TTC5: variants seen among roughly 807,000 people sequenced by gnomAD.
TTC5 encodes tetratricopeptide repeat protein 5.
Under a neutral mutation model 57.4 loss-of-function variants are expected in TTC5, and 46 were observed. The observed-to-expected ratio is 0.80, with a 90% CI of 0.63 to 1.03. TTC5 has a LOEUF of 1.03. Ranked by LOEUF, TTC5 falls within the 50% of genes least tolerant of loss-of-function variation. The pLI is 0.00. For missense variants in TTC5, 504 were observed against 528.1 expected, an observed-to-expected ratio of 0.95 and a Z score of 0.45; for synonymous variants, 190 against 203.5, an observed-to-expected ratio of 0.93 and a Z score of 0.57.
chr14:20,291,885 T>C (rs1435106594), intron 9 of TTC5, 98 bp downstream of exon 9: 29 of 1,119,296 alleles, frequency 2.6e-5, no homozygotes, highest in Non-Finnish European at 3.3e-5. Context: ...CCTACACACA[T>C]ACTTACATAT....
In TTC5 at chr14:20,288,431, G is replaced by C. The variant is rs1479106533; in HGVS notation, c.*1196C>G. The C allele has an allele frequency of 6.6e-6, 1 of 152,282 alleles. No homozygotes were observed. Among genetic ancestry groups the C allele is most frequent in the Non-Finnish European group, 1.5e-5 (1 of 68,100 alleles). 9.4% of individuals were successfully genotyped at this position (152,282 alleles called of 1,614,324 possible). A position where few individuals can be genotyped will look rare whatever the true frequency, so the allele number is the denominator to read the frequency against. On this transcript the variant is annotated 3_prime_UTR_variant, in exon 10 of 10. Transcript: ENST00000258821. ...TTACAGCCATTCAGTTGTTGTTGCTGTTTGAGACGGAGTCTCGCTCTGTCG... is the reference window on the plus strand; with the variant it reads ...TTACAGCCATTCAGTTGTTGTTGCTCTTTGAGACGGAGTCTCGCTCTGTCG...
At chr14:20,298,478 T>G (rs973635625) in intron 5 of TTC5, among the ~76,000 whole-genome samples, 1 of 152,198 alleles carries the variant, frequency 6.6e-6, no homozygotes, top group African/African-American at 2.4e-5. Context: ...TAAGTATTAT[T>G]TTAATAGACT....
rs1442407568 is a variant in TTC5 at position 20,286,541 on chromosome 14, A to G, written c.*3086T>C. 1 of 152,134 alleles carries G rather than the reference A, an allele frequency of 6.6e-6. No homozygotes were observed. The highest frequency in any genetic ancestry group is 1.5e-5 in the Non-Finnish European group (1 of 68,014). The allele number at this position is 152,134 out of a possible 1,614,324, so 9.4% of individuals were successfully genotyped here. A position where few individuals can be genotyped will look rare whatever the true frequency, so the allele number is the denominator to read the frequency against. On this transcript the variant is annotated 3_prime_UTR_variant, in exon 10 of 10. Transcript: ENST00000258821. ...GCTGGGCTATTTACTCATTATGAAA[A>G]AAATTATATCCGTACATAACATAAA...
rs1594260999 is a variant in TTC5 at position 20,289,443 on chromosome 14, G to C, written c.*184C>G. The C allele has an allele frequency of 1.7e-6, 1 of 578,956 alleles. No individual in the cohort carries two copies. Among genetic ancestry groups the C allele is most frequent in the Non-Finnish European group, 2.8e-6 (1 of 357,646 alleles). The allele number at this position is 578,956 out of a possible 1,614,324, so 35.9% of individuals were successfully genotyped here. On this transcript the variant is annotated 3_prime_UTR_variant, in exon 10 of 10. Transcript: ENST00000258821. Reference sequence around the variant, plus strand: ...CCAGAAGAGTATGTGGCCCTGTAGAGAGCTGGAACATGATGAGGACAGAGG... The same window carrying C: ...CCAGAAGAGTATGTGGCCCTGTAGACAGCTGGAACATGATGAGGACAGAGG...
In TTC5 at chr14:20,287,658, CTG is replaced by C. The variant is rs1881866170; in HGVS notation, c.*1967_*1968del. ...TTACTTGTTTGTACGCACTGCTTCT[CTG>C]TGGCTACCACCTACTGGCCATTTTT... On this transcript the variant is annotated 3_prime_UTR_variant, in exon 10 of 10. Transcript: ENST00000258821. The C allele has an allele frequency of 6.6e-6, 1 of 152,160 alleles. No individual in the cohort carries two copies. Among genetic ancestry groups the C allele is most frequent in the Non-Finnish European group, 1.5e-5 (1 of 68,034 alleles). 9.4% of individuals were successfully genotyped at this position (152,160 alleles called of 1,614,324 possible). A position where few individuals can be genotyped will look rare whatever the true frequency, so the allele number is the denominator to read the frequency against.
chr14:20,305,842 T>C, intron 1 of TTC5, 45 bp downstream of exon 1: 1 of 1,588,422 alleles, frequency 6.3e-7, no homozygotes, highest in Non-Finnish European at 8.6e-7. Context: ...CCCTGCTTCA[T>C]TCGGAGTAAC....
At chr14:20,301,807 G>T in intron 2 of TTC5, 26 bp downstream of exon 2, 5 of 1,613,108 alleles carry the variant, frequency 3.1e-6, no homozygotes, top group Non-Finnish European at 4.2e-6. Context: ...GAAGGATGGG[G>T]GTTGTACAAT....
Position 20,292,040 on chromosome 14 carries a change from G to C in TTC5, c.1146C>G (p.Asp382Glu). The C allele has an allele frequency of 1.3e-6, 2 of 1,597,380 alleles. No homozygotes were observed. The highest frequency in any genetic ancestry group is 1.7e-6 in the Non-Finnish European group (2 of 1,171,854). ...IVQSWGVLIG[D>E]SVAIPEPNLR... ...GGTTGGGCTCAGGAATGGCTACAGA[G>C]TCTCCAATGAGCACTCCCCAGCTCT... The change falls in exon 9 of 10, where the codon GAC (aspartate) becomes GAG (glutamate). Residue 382 changes from aspartate to glutamate, a missense_variant. Asp to Glu is a conservative substitution (Grantham distance 45, BLOSUM62 2). Transcript: ENST00000258821.
intron 8 of TTC5, chr14:20,294,535 G>A (rs1480940579): frequency 6.6e-6 from 1 of 152,218 alleles, no homozygotes; most frequent in Non-Finnish European, 1.5e-5. Flanking sequence ...AAAAGCAATA[G>A]TGAGAGATAA....
At chr14:20,305,613 A>G in intron 1 of TTC5, 1 of 537,044 alleles carries the variant, frequency 1.9e-6, no homozygotes, top group East Asian at 3.1e-5. Flanking sequence ...AATCGAGAAA[A>G]CAACGTCCTC....
At position 20,286,915 on chromosome 14, in the gene TTC5, A is replaced by G. The variant is rs1881849619; in HGVS notation, c.*2712T>C. On this transcript the variant is annotated 3_prime_UTR_variant, in exon 10 of 10. Coordinates refer to ENST00000258821, the MANE Select transcript of TTC5 (RefSeq NM_138376.3). ...TGAAAAGATGCTCAAGCTCATTAAT[A>G]ATCAGAAATGCAAATTAAGGCCACA... is the stretch of plus-strand genomic sequence containing the variant. The G allele has an allele frequency of 6.6e-6, 1 of 152,196 alleles. No homozygotes were observed. Among genetic ancestry groups the G allele is most frequent in the Non-Finnish European group, 1.5e-5 (1 of 68,032 alleles). The allele number at this position is 152,196 out of a possible 1,614,324, so 9.4% of individuals were successfully genotyped here.
chr14:20,300,384 C>G, intron 3 of TTC5: 1 of 514,426 alleles, frequency 1.9e-6, no homozygotes, highest in South Asian at 3.0e-5. Context: ...CTTTTCTTCA[C>G]TTCCTTTCTC....
At chr14:20,302,398 T>G (rs954665003) in intron 1 of TTC5, among the ~76,000 whole-genome samples, 1 of 152,206 alleles carries the variant, frequency 6.6e-6, no homozygotes, top group African/African-American at 2.4e-5. Context: ...TAAAACCATT[T>G]TATCCCTGAT....
rs768194185 is a variant in TTC5, at chr14:20,301,881, C to T, written c.136G>A (p.Val46Met). The change falls in exon 2 of 10, where the codon GTG becomes ATG. Residue 46 changes from valine to methionine, a missense_variant. By Grantham distance (21) the Val-to-Met change is conservative. Coordinates refer to ENST00000258821, the MANE Select transcript of TTC5 (RefSeq NM_138376.3). ...VEDAGRKQQD[V>M]QKEMEKTLQQ... ...AGGGTTTTCTCCATCTCCTTCTGCA[C>T]ATCCTGTTGCTTCCTCCCAGCATCC... is the stretch of plus-strand genomic sequence containing the variant. 1.2e-6 allele frequency: 2 copies of T among 1,614,162 alleles called. No homozygotes were observed.
chr14:20,305,902 G>T lies in TTC5; in HGVS notation c.36C>A (p.Ile12=). ...MADEEEEVKP[I]LQKLQELVDQ... ...ACGGCCCCACCTGCAATTTCTGCAAGATCGGCTTGACTTCTTCCTCTTCAT... is the reference window on the plus strand; with the variant it reads ...ACGGCCCCACCTGCAATTTCTGCAATATCGGCTTGACTTCTTCCTCTTCAT... The change falls in exon 1 of 10, where the codon ATC becomes ATA. Residue 12 remains isoleucine (I), a synonymous_variant. Transcript: ENST00000258821. 6.2e-7 allele frequency: 1 copy of T among 1,614,088 alleles called. No individual in the cohort carries two copies. The highest frequency in any genetic ancestry group is 8.5e-7 in the Non-Finnish European group (1 of 1,180,022).
intron 1 of TTC5, among the ~76,000 whole-genome samples, chr14:20,304,432 ACTGT>A (rs1734967646): frequency 6.6e-6 from 1 of 152,220 alleles, no homozygotes; most frequent in African/African-American, 2.4e-5. Flanking sequence ...CTGTAATGAA[ACTGT>A]CTGTAAAACA....
rs1881861439 is a variant in TTC5, at chr14:20,287,420, A to G, written c.*2207T>C. 6.6e-6 allele frequency: 1 copy of G among 152,208 alleles called. No individual in the cohort carries two copies. The highest frequency in any genetic ancestry group is 1.9e-4 in the East Asian group (1 of 5,198). The allele number at this position is 152,208 out of a possible 1,614,324, so 9.4% of individuals were successfully genotyped here. On this transcript the variant is annotated 3_prime_UTR_variant, in exon 10 of 10. Coordinates refer to ENST00000258821, the MANE Select transcript of TTC5 (RefSeq NM_138376.3). ...TGTAGTGCTTTGGTAGTAAAAAAAG[A>G]AAAACTGGAAACCCAAATATCCTTT...
chr14:20,298,182 TAATAATGAG>T (rs1882105062), intron 5 of TTC5, among the ~76,000 whole-genome samples: 1 of 152,204 alleles, frequency 6.6e-6, no homozygotes, highest in Non-Finnish European at 1.5e-5. Flanking sequence ...AAGCCAATTC[TAATAATGAG>T]AAAAAAGGCA....
Position 20,303,415 on chromosome 14 carries a change from A to G in TTC5, c.52-1450T>C, listed in dbSNP as rs575413009. Reference sequence around the variant, plus strand: ...ATCCAAAAAACTTCGAGTCCTAAGCATTTCAGATAACAGATATCCTATTCT... The same window carrying G: ...ATCCAAAAAACTTCGAGTCCTAAGCGTTTCAGATAACAGATATCCTATTCT... On this transcript the variant is annotated intron_variant, in intron 1 of 9. Coordinates refer to ENST00000258821, the MANE Select transcript of TTC5 (RefSeq NM_138376.3). Among the ~76,000 whole-genome samples the G allele has an allele frequency of 1.5e-4, 23 of 152,316 alleles. No individual in the cohort carries two copies. In the South Asian group the frequency reaches 3.9e-3, roughly 26 times the overall value.
Sources: gnomAD v4.1 joint callset for allele counts (sites outside exome capture counted in the v4.1 genomes callset) on GRCh38, gnomAD v4.1.1 for gene constraint, MANE v1.5 for transcripts, NCBI Gene and HGNC (gene_info 2026-07-23, HGNC 2026-07-21) for gene names.